The following PARD3 variants were observed in gnomAD, a reference collection of about 807,000 sequenced individuals.
PARD3 encodes partitioning defective 3 homolog.
PARD3 carries 75 observed loss-of-function variants against 155.4 expected under a neutral mutation model. The observed-to-expected ratio is 0.48, with a 90% CI of 0.40 to 0.58. PARD3 has a LOEUF of 0.58. Ranked by LOEUF, PARD3 falls within the 20% of genes least tolerant of loss-of-function variation. The pLI, the probability that PARD3 is intolerant of heterozygous loss-of-function variation, is 0.00. For missense variants in PARD3, 1,642 were observed against 1,721.7 expected, an observed-to-expected ratio of 0.95 and a Z score of 0.82; for synonymous variants, 576 against 610.5, an observed-to-expected ratio of 0.94 and a Z score of 0.83.
intron 1 of PARD3, among the ~76,000 whole-genome samples, chr10:34,792,944 A>T (rs1031725694): frequency 6.6e-6 from 1 of 152,260 alleles, no homozygotes; most frequent in South Asian, 2.1e-4. Flanking sequence ...GTGATTCTTT[A>T]TATACCTTGA....
At chr10:34,166,473 G>C (rs188956670) in intron 22 of PARD3, among the ~76,000 whole-genome samples, 69 of 152,092 alleles carry the variant, frequency 4.5e-4, no homozygotes, top group African/African-American at 1.6e-3. Flanking sequence ...TTTTTAATTA[G>C]CTGGGGGATG....
intron 1 of PARD3, among the ~76,000 whole-genome samples, chr10:34,781,612 A>G (rs1840244607): frequency 6.6e-6 from 1 of 152,254 alleles, no homozygotes; most frequent in Non-Finnish European, 1.5e-5. Context: ...GCCTTTTCCT[A>G]CAAGACTTTA....
chr10:34,480,077 C>A (rs2078977115), intron 3 of PARD3, among the ~76,000 whole-genome samples: 1 of 152,210 alleles, frequency 6.6e-6, no homozygotes, highest in African/African-American at 2.4e-5. Flanking sequence ...TCCTTGCAGG[C>A]ACAAGGCAGA....
intron 5 of PARD3, among the ~76,000 whole-genome samples, chr10:34,409,038 C>G (rs912767747): frequency 6.6e-6 from 1 of 152,096 alleles, no homozygotes; most frequent in African/African-American, 2.4e-5. Flanking sequence ...GATGTAATCA[C>G]TGTATATAAG....
intron 5 of PARD3, among the ~76,000 whole-genome samples, chr10:34,440,509 T>C (rs1227222235): frequency 6.6e-6 from 1 of 152,162 alleles, no homozygotes; most frequent in Non-Finnish European, 1.5e-5. Flanking sequence ...AAAATGTATC[T>C]TTCTCCGTAG....
chr10:34,346,474 A>G (rs1298145361), intron 15 of PARD3: 4 of 1,347,254 alleles, frequency 3.0e-6, no homozygotes, highest in African/African-American at 3.0e-5. Context: ...AAATTACAGC[A>G]TATCACTTTG....
intron 22 of PARD3, among the ~76,000 whole-genome samples, chr10:34,190,010 G>A (rs1950638298): frequency 6.6e-6 from 1 of 152,132 alleles, no homozygotes; most frequent in African/African-American, 2.4e-5. Flanking sequence ...TGGAGGATTT[G>A]CATAACTCAG....
intron 1 of PARD3, among the ~76,000 whole-genome samples, chr10:34,740,494 A>T (rs1288044053): frequency 1.3e-5 from 2 of 152,086 alleles, no homozygotes; most frequent in Non-Finnish European, 2.9e-5. Context: ...GTTCCAACAA[A>T]ATGCGGTTTT....
intron 3 of PARD3, among the ~76,000 whole-genome samples, chr10:34,507,135 A>C (rs1465121845): frequency 6.6e-6 from 1 of 152,232 alleles, no homozygotes. Flanking sequence ...ATACACCATT[A>C]TTTTTAAATG....
In PARD3 at chr10:34,374,339, T is replaced by C. The variant is rs2384218; in HGVS notation, c.1668+535A>G. Among the ~76,000 whole-genome samples, 5 of 152,140 alleles carry C rather than the reference T, an allele frequency of 3.3e-5. No homozygotes were observed. In the South Asian group the frequency reaches 1.0e-3, roughly 32 times the overall value. ...TTCATTTATGTCATCCTAAGTAACA[T>C]GACCTATATTTGTATAATTAATAGC... On this transcript the variant is annotated intron_variant, in intron 11 of 24. Transcript: ENST00000374788.
intron 2 of PARD3, among the ~76,000 whole-genome samples, chr10:34,685,645 G>A (rs2093943675): frequency 6.6e-6 from 1 of 150,622 alleles, no homozygotes; most frequent in African/African-American, 2.4e-5. Flanking sequence ...CCAGGCTGGA[G>A]TGCAGTGGGG....
intron 2 of PARD3, among the ~76,000 whole-genome samples, chr10:34,593,905 G>T (rs1039876079): frequency 6.6e-6 from 1 of 152,188 alleles, no homozygotes; most frequent in African/African-American, 2.4e-5. Flanking sequence ...GGAGATTTCT[G>T]AGAAGCCTTA....
At chr10:34,792,086 T>G (rs1291097051) in intron 1 of PARD3, among the ~76,000 whole-genome samples, 7 of 152,144 alleles carry the variant, frequency 4.6e-5, no homozygotes, top group Non-Finnish European at 5.9e-5. Flanking sequence ...TGCTCAGATA[T>G]GCGCCCTGTT....
chr10:34,793,629 A>G (rs771716034), intron 1 of PARD3, among the ~76,000 whole-genome samples: 10 of 151,928 alleles, frequency 6.6e-5, no homozygotes, highest in Non-Finnish European at 1.2e-4. Context: ...TCTACTAAAA[A>G]TGCAAAATTA....
chr10:34,504,447 A>G (rs1345863372), intron 3 of PARD3, among the ~76,000 whole-genome samples: 2 of 149,382 alleles, frequency 1.3e-5, no homozygotes, highest in Non-Finnish European at 3.0e-5. Context: ...AAAAAAAAAG[A>G]AAAGTATTTG....
chr10:34,810,035 G>T (rs74368000), intron 1 of PARD3, among the ~76,000 whole-genome samples: 2,335 of 152,114 alleles, frequency 0.015, 71 homozygotes, highest in African/African-American at 0.054. Context: ...CTAATCAACA[G>T]TCTCCCGCCA....
At chr10:34,657,236 A>C (rs1262769472) in intron 2 of PARD3, among the ~76,000 whole-genome samples, 1 of 152,152 alleles carries the variant, frequency 6.6e-6, no homozygotes, top group African/African-American at 2.4e-5. Context: ...TCTACCAAAA[A>C]AAAAAAAGTC....
At chr10:34,708,312 T>C (rs1034372056) in intron 1 of PARD3, among the ~76,000 whole-genome samples, 11 of 151,096 alleles carry the variant, frequency 7.3e-5, no homozygotes, top group Admixed American at 3.3e-4. Context: ...AAGTGCAATG[T>C]ATGATCCTGG....
chr10:34,684,717 A>ATCACT (rs2093911807), intron 2 of PARD3, among the ~76,000 whole-genome samples: 1 of 151,244 alleles, frequency 6.6e-6, no homozygotes. Context: ...TGTAAACCTG[A>ATCACT]TCACTTAACA....
Sources: gnomAD v4.1 joint callset for allele counts (sites outside exome capture counted in the v4.1 genomes callset) on GRCh38, gnomAD v4.1.1 for gene constraint, MANE v1.5 for transcripts, NCBI Gene and HGNC (gene_info 2026-07-23, HGNC 2026-07-21) for gene names.